Variants in LSS observed in about 807,000 individuals in gnomAD.
The protein encoded by LSS is lanosterol synthase.
LSS carries 90 observed loss-of-function variants against 110.3 expected under a neutral mutation model. That is an observed-to-expected ratio of 0.82 (90% CI 0.69 to 0.97). The LOEUF (loss-of-function observed/expected upper bound fraction) is 0.97, where lower values mean the gene tolerates loss of function less well. Ranked by LOEUF, LSS falls within the 50% of genes least tolerant of loss-of-function variation. LSS has a pLI of 0.00. For missense variants in LSS, 927 were observed against 990.0 expected (o/e 0.94, Z 0.85); for synonymous variants, 433 against 400.0 (o/e 1.08, Z -0.98).
At chr21:46,206,592 A>G in intron 16 of LSS, 80 bp downstream of exon 16, 3 of 1,236,272 alleles carry the variant, frequency 2.4e-6, no homozygotes, top group Non-Finnish European at 3.5e-6. Context: ...GGCAAGGGGG[A>G]AAAGCTGGCC....
rs756867162 is a variant in LSS, at chr21:46,188,862, T to C, written c.*2242A>G. On this transcript the variant is annotated 3_prime_UTR_variant, in exon 22 of 22. Coordinates refer to ENST00000397728, the MANE Select transcript of LSS (RefSeq NM_002340.6). ...ATGCAGTGAAAGAAAGTTCCTCCTATGTGGACATTGTATCACGTTTATTTA... is the reference window on the plus strand; with the variant it reads ...ATGCAGTGAAAGAAAGTTCCTCCTACGTGGACATTGTATCACGTTTATTTA... 2.0e-5 allele frequency: 9 copies of C among 448,568 alleles called. No homozygotes were observed. The highest frequency in any genetic ancestry group is 1.8e-4 in the African/African-American group (9 of 49,278). 27.8% of individuals were successfully genotyped at this position (448,568 alleles called of 1,614,324 possible).
chr21:46,191,835 G>T, intron 21 of LSS, 46 bp downstream of exon 21: 1 of 1,513,964 alleles, frequency 6.6e-7, no homozygotes. Flanking sequence ...CATGCACGCT[G>T]GAGGTCAGTG....
intron 21 of LSS, 86 bp downstream of exon 21, chr21:46,191,795 G>T: frequency 8.6e-7 from 1 of 1,157,828 alleles, no homozygotes; most frequent in Non-Finnish European, 1.3e-6. Context: ...ACCCCAAAAA[G>T]GACACAGAGC....
intron 17 of LSS, among the ~76,000 whole-genome samples, chr21:46,196,947 C>T (rs939414575): frequency 6.6e-6 from 1 of 152,246 alleles, no homozygotes; most frequent in Non-Finnish European, 1.5e-5. Flanking sequence ...TGCCGAGGAC[C>T]CTGTGTGCTC....
chr21:46,222,504 C>G, intron 4 of LSS, 126 bp downstream of exon 4: 1 of 783,174 alleles, frequency 1.3e-6, no homozygotes, highest in South Asian at 1.7e-5. Context: ...CTCTCCCTCA[C>G]CCACCCCACA....
intron 4 of LSS, 106 bp downstream of exon 4, chr21:46,222,524 G>A: frequency 2.1e-6 from 2 of 952,596 alleles, no homozygotes; most frequent in South Asian, 3.1e-5. Flanking sequence ...ACCCACAGCT[G>A]CAATCACTCC....
intron 6 of LSS, among the ~76,000 whole-genome samples, chr21:46,219,141 C>T (rs1021049137): frequency 6.6e-6 from 1 of 152,194 alleles, no homozygotes; most frequent in Non-Finnish European, 1.5e-5. Context: ...ACACAGGACG[C>T]CCCTGTGCAG....
Position 46,216,985 on chromosome 21 carries a change from G to A in LSS, c.648-461C>T, listed in dbSNP as rs879449639. Among the ~76,000 whole-genome samples, 5 of 152,076 alleles carry A rather than the reference G, an allele frequency of 3.3e-5. No individual in the cohort carries two copies. Among genetic ancestry groups the A allele is most frequent in the African/African-American group, 4.8e-5 (2 of 41,434 alleles). On this transcript the variant is annotated intron_variant, in intron 6 of 21. Transcript: ENST00000397728. The surrounding 1 kb of genome is among the most constrained non-coding windows in gnomAD (Gnocchi z 4.2). ...CTTTAGGAGGGGCACGGTGGCTCAC[G>A]CCTGTAACCCTAGCACTTTGGGAGG... is the stretch of plus-strand genomic sequence containing the variant.
chr21:46,203,763 C>G (rs2080010347), intron 17 of LSS, among the ~76,000 whole-genome samples: 1 of 152,164 alleles, frequency 6.6e-6, no homozygotes. Flanking sequence ...CCAAAAAAAC[C>G]ACACCAGAAC....
chr21:46,214,220 C>T (rs2080170699), intron 9 of LSS, among the ~76,000 whole-genome samples: 1 of 152,238 alleles, frequency 6.6e-6, no homozygotes, highest in South Asian at 2.1e-4. Flanking sequence ...GAAGACAGGA[C>T]TGTAGCAGTA....
chr21:46,191,107 G>C lies in LSS; in HGVS notation c.2196C>G (p.Pro732=). 3.1e-6 allele frequency: 5 copies of C among 1,614,120 alleles called. No individual in the cohort carries two copies. Among genetic ancestry groups the C allele is most frequent in the Non-Finnish European group, 4.2e-6 (5 of 1,180,014 alleles). The change falls in exon 22 of 22, where the codon CCC becomes CCG. Residue 732 remains proline (P), a synonymous_variant. Transcript: ENST00000397728. ...LYPERALAGH[P] is the part of the protein sequence containing the mutation. ...CACCCAGCAGGTAGGCATGTTCTCA[G>C]GGGTGGCCAGCAAGGGCTCTCTCAG... is the stretch of plus-strand genomic sequence containing the variant.
rs1326517743 is a variant in LSS at position 46,215,308 on chromosome 21, A to ACAGGGGT, written c.893-17_893-11dup. The ACAGGGGT allele has an allele frequency of 1.3e-6, 2 of 1,579,894 alleles. No homozygotes were observed. Among genetic ancestry groups the ACAGGGGT allele is most frequent in the African/African-American group, 2.7e-5 (2 of 74,364 alleles). ...TACAGGTTGAGGAGCGCTACAGGGG[A>ACAGGGGT]CAGGGGTCAGTGGATGCCAGACACC... On this transcript the variant is annotated splice_polypyrimidine_tract_variant and intron_variant, in intron 8 of 21. Transcript: ENST00000397728.
Position 46,190,066 on chromosome 21 carries a change from G to A in LSS, c.*1038C>T, listed in dbSNP as rs556924268. 4 of 267,854 alleles carry A rather than the reference G, an allele frequency of 1.5e-5. No homozygotes were observed. The highest frequency in any genetic ancestry group is 1.3e-4 in the East Asian group (1 of 7,630). The allele number at this position is 267,854 out of a possible 1,614,324, so 16.6% of individuals were successfully genotyped here. ...GCACCCACCTGGGCATGAGACTGGCGGCAGCCGTAGGGGTGCCCTGGGTAT... is the reference window on the plus strand; with the variant it reads ...GCACCCACCTGGGCATGAGACTGGCAGCAGCCGTAGGGGTGCCCTGGGTAT... On this transcript the variant is annotated 3_prime_UTR_variant, in exon 22 of 22. Coordinates refer to ENST00000397728, the MANE Select transcript of LSS (RefSeq NM_002340.6). The surrounding 1 kb of genome is among the most constrained non-coding windows in gnomAD (Gnocchi z 4.6).
intron 9 of LSS, among the ~76,000 whole-genome samples, chr21:46,214,350 G>A (rs1401610342): frequency 6.6e-6 from 1 of 152,228 alleles, no homozygotes; most frequent in African/African-American, 2.4e-5. Context: ...GTTTAGTACA[G>A]ATGTGCTCTA....
Position 46,216,388 on chromosome 21 carries a change from C to A in LSS, c.783+1G>T. 6.2e-7 allele frequency: 1 copy of A among 1,613,766 alleles called. No homozygotes were observed. Among genetic ancestry groups the A allele is most frequent in the Non-Finnish European group, 8.5e-7 (1 of 1,180,014 alleles). ...CACTTTGTTCCCTGATGAGGTCCTA[C>A]CTGGCGGAGGCTCTGGACCAGCGGG... On this transcript the variant is annotated splice_donor_variant, in intron 7 of 21. Coordinates refer to ENST00000397728, the MANE Select transcript of LSS (RefSeq NM_002340.6). LOFTEE classifies it high-confidence loss of function. This position sits in a 1 kb window ranked among gnomAD's most constrained non-coding sequence, Gnocchi z 4.2.
At chr21:46,220,916 C>T (rs1279915479) in intron 5 of LSS, among the ~76,000 whole-genome samples, 2 of 148,824 alleles carry the variant, frequency 1.3e-5, no homozygotes, top group Non-Finnish European at 3.0e-5. Context: ...CAGCCCAGGG[C>T]TTGGGGAGGT....
intron 17 of LSS, among the ~76,000 whole-genome samples, chr21:46,205,541 C>T (rs902449269): frequency 8.5e-5 from 13 of 152,240 alleles, no homozygotes; most frequent in Admixed American, 1.3e-4. Context: ...GGAAAGGTTA[C>T]TTAAAAACCG....
Position 46,209,011 on chromosome 21 carries a change from G to A in LSS, c.1266+543C>T, listed in dbSNP as rs543177752. Reference sequence around the variant, plus strand: ...GGCCGGGACAGGGTGTGGGAGACACGGGAGGTTGGGGCGCATGTATGGGAT... The same window carrying A: ...GGCCGGGACAGGGTGTGGGAGACACAGGAGGTTGGGGCGCATGTATGGGAT... On this transcript the variant is annotated intron_variant, in intron 13 of 21. Transcript: ENST00000397728. The surrounding 1 kb of genome is among the most constrained non-coding windows in gnomAD (Gnocchi z 4.4). Among the ~76,000 whole-genome samples the A allele has an allele frequency of 3.9e-5, 6 of 152,302 alleles. No homozygotes were observed. Among genetic ancestry groups the A allele is most frequent in the South Asian group, 2.1e-4 (1 of 4,822 alleles).
intron 17 of LSS, among the ~76,000 whole-genome samples, chr21:46,201,792 G>C (rs569066833): frequency 7.9e-6 from 1 of 127,110 alleles, no homozygotes; most frequent in South Asian, 2.9e-4. Flanking sequence ...CTCCAGGTAA[G>C]TTTAAAATCT....
Sources: gnomAD v4.1 joint callset for allele counts (sites outside exome capture counted in the v4.1 genomes callset) on GRCh38, gnomAD v4.1.1 for gene constraint, Gnocchi (gnomAD v3.1) non-coding constraint, MANE v1.5 for transcripts, NCBI Gene and HGNC (gene_info 2026-07-23, HGNC 2026-07-21) for gene names.